U2AF1L4: variants seen among roughly 807,000 people sequenced by gnomAD.
U2AF1L4 encodes the protein splicing factor U2AF 26 kDa subunit.
A neutral mutation model predicts 21.7 loss-of-function variants in U2AF1L4; 21 were observed. The observed-to-expected ratio is 0.97, with a 90% confidence interval of 0.69 to 1.39. The LOEUF (loss-of-function observed/expected upper bound fraction) is 1.39. Ranked by LOEUF, U2AF1L4 falls within the 40% of genes most tolerant of loss-of-function variation. The probability of loss-of-function intolerance (pLI) is 0.00; values close to 1 mark genes in which losing one functional copy is unlikely to be tolerated. For missense variants in U2AF1L4, 259 were observed against 245.7 expected, an observed-to-expected ratio of 1.05 and a Z score of -0.36; for synonymous variants, 92 against 89.7, an observed-to-expected ratio of 1.03 and a Z score of -0.15.
Position 35,743,761 on chromosome 19 carries a change from T to G in U2AF1L4, c.461+48A>C, listed in dbSNP as rs367972641. ...TTAGGGTTAGGCTCATCTGAGGATA[T>G]AGGGGCCTTAGGACATGAGGAGACA... On this transcript the variant is annotated intron_variant, in intron 5 of 5. Transcript: ENST00000378975. The G allele has an allele frequency of 1.3e-5, 20 of 1,493,080 alleles. 1 individual carries two copies. Among genetic ancestry groups the G allele is most frequent in the Admixed American group, 1.3e-4 (7 of 54,428 alleles). 92.5% of individuals were successfully genotyped at this position (1,493,080 alleles called of 1,614,324 possible). A position where few individuals can be genotyped will look rare whatever the true frequency, so the allele number is the denominator to read the frequency against.
chr19:35,744,652 GT>G, intron 2 of U2AF1L4: 4 of 1,536,330 alleles, frequency 2.6e-6, no homozygotes, highest in Non-Finnish European at 3.5e-6. Flanking sequence ...AGTTTGGGCT[GT>G]GTTCTGTGGA....
intron 2 of U2AF1L4, 68 bp downstream of exon 2, chr19:35,745,057 T>C: frequency 1.3e-6 from 2 of 1,492,836 alleles, no homozygotes; most frequent in South Asian, 1.1e-5. Flanking sequence ...CGGGACATGG[T>C]GACGACGGCC....
At chr19:35,744,878 G>T in intron 2 of U2AF1L4, 1 of 772,684 alleles carries the variant, frequency 1.3e-6, no homozygotes, top group Non-Finnish European at 2.1e-6. Context: ...TGAACAGCGG[G>T]ATGGAAGGGA....
rs774313160 is a variant in U2AF1L4 at position 35,744,307 on chromosome 19, G to T, written c.231+16C>A. On this transcript the variant is annotated intron_variant, in intron 3 of 5. Coordinates refer to ENST00000378975, the MANE Select transcript of U2AF1L4 (RefSeq NM_001040425.3). ...ACGCCTCCACTTCTGGGCCCTAAGT[G>T]GGGGGCAGCAAGCACCTTGACATAG... 1.3e-5 allele frequency: 21 copies of T among 1,613,490 alleles called. No homozygotes were observed. Among genetic ancestry groups the T allele is most frequent in the East Asian group, 8.9e-5 (4 of 44,892 alleles).
At position 35,744,139 on chromosome 19, in the gene U2AF1L4, T is replaced by C; in HGVS notation, c.238A>G (p.Arg80Gly). The change falls in exon 4 of 6, where the codon AGG (arginine) becomes GGG (glycine). Residue 80 changes from arginine to glycine, a missense_variant. Arg to Gly is a moderately radical substitution (Grantham distance 125). Transcript: ENST00000378975. ...LVGNVYVKFR[R>G]EEDGERAVAE... ...ACGGCCCGCTCTCCATCCTCCTCCCTCCGGAACTGCAGGAAATGTCAGTCA... is the reference window on the plus strand; with the variant it reads ...ACGGCCCGCTCTCCATCCTCCTCCCCCCGGAACTGCAGGAAATGTCAGTCA... The C allele has an allele frequency of 6.2e-7, 1 of 1,613,576 alleles. No homozygotes were observed. The highest frequency in any genetic ancestry group is 8.5e-7 in the Non-Finnish European group (1 of 1,179,832).
chr19:35,744,529 C>T, intron 2 of U2AF1L4, 108 bp from the exon 3 acceptor site: 1 of 1,598,646 alleles, frequency 6.3e-7, no homozygotes, highest in Non-Finnish European at 8.5e-7. Flanking sequence ...ACCTCCACGT[C>T]ACTCACATGA....
chr19:35,745,011 C>T, intron 2 of U2AF1L4, 114 bp downstream of exon 2: 3 of 1,054,964 alleles, frequency 2.8e-6, no homozygotes, highest in Non-Finnish European at 4.1e-6. Flanking sequence ...GAAAAAAAGC[C>T]GGGCGGTGGG....
At chr19:35,744,739 C>G in intron 2 of U2AF1L4, 1 of 1,535,186 alleles carries the variant, frequency 6.5e-7, no homozygotes, top group East Asian at 2.4e-5. Context: ...GAGGGCAGGG[C>G]TGCATGAACA....
Position 35,745,165 on chromosome 19 carries a change from TCCCCGTGCCGGCAGA to T in U2AF1L4, c.77_91del (p.Val26_Gly30del), listed in dbSNP as rs1970514423. ...CTTGTTGTGAAGCCGGGAGCACCGG[TCCCCGTGCCGGCAGA>T]CCCCGATCTTAAAGTAAAAAGAGCA... is the stretch of plus-strand genomic sequence containing the variant. On this transcript the variant is annotated inframe_deletion, in exon 2 of 6. Transcript: ENST00000378975. 5.6e-6 allele frequency: 9 copies of T among 1,613,334 alleles called. No homozygotes were observed. Among genetic ancestry groups the T allele is most frequent in the Non-Finnish European group, 7.6e-6 (9 of 1,179,964 alleles).
Position 35,742,563 on chromosome 19 carries a change from A to G in U2AF1L4, c.*156T>C. The G allele has an allele frequency of 6.2e-7, 1 of 1,613,314 alleles. No homozygotes were observed. On this transcript the variant is annotated 3_prime_UTR_variant, in exon 6 of 6. Transcript: ENST00000378975. Reference sequence around the variant, plus strand: ...GTGAAACACGCAGCTTTATTAAGACAGGGGCGGTAGAAGAAGGTCTCCATG... The same window carrying G: ...GTGAAACACGCAGCTTTATTAAGACGGGGGCGGTAGAAGAAGGTCTCCATG...
In U2AF1L4 at chr19:35,744,346, G is replaced by A. The variant is rs17851875; in HGVS notation, c.208C>T (p.Leu70Phe). The part of the protein sequence containing the change: ...MNVCDNLGDH[L>F]VGNVYVKFRR... ...ACCTTGACATAGACGTTGCCCACGAGGTGGTCCCCAAGGTTGTCGCACACA... is the reference window on the plus strand; with the variant it reads ...ACCTTGACATAGACGTTGCCCACGAAGTGGTCCCCAAGGTTGTCGCACACA... The change falls in exon 3 of 6, where the codon CTC (leucine) becomes TTC (phenylalanine). Residue 70 changes from leucine to phenylalanine, a missense_variant. Coordinates refer to ENST00000378975, the MANE Select transcript of U2AF1L4 (RefSeq NM_001040425.3). The A allele has an allele frequency of 3.7e-6, 6 of 1,614,122 alleles. No homozygotes were observed. In the South Asian group the frequency reaches 6.6e-5, roughly 18 times the overall value.
intron 5 of U2AF1L4, chr19:35,743,399 A>AAAAC (rs1970371107): frequency 4.6e-6 from 1 of 217,112 alleles, no homozygotes; most frequent in Admixed American, 5.8e-5. Context: ...AAAAAAAAAA[A>AAAAC]AAAACAGTCA....
intron 4 of U2AF1L4, 29 bp from the exon 5 acceptor site, chr19:35,743,933 G>A (rs1451394727): frequency 1.2e-6 from 2 of 1,609,804 alleles, no homozygotes; most frequent in Admixed American, 1.7e-5. Context: ...GATGGAGGAA[G>A]CCATTGTCAC....
At position 35,745,117 on chromosome 19, in the gene U2AF1L4, G is replaced by A; in HGVS notation, c.132+8C>T. Reference sequence around the variant, plus strand: ...CGTTAACCCCCGAGGCTCCGTGCCGGGTCTCACCTGGCTGAATGTCGGCTT... The same window carrying A: ...CGTTAACCCCCGAGGCTCCGTGCCGAGTCTCACCTGGCTGAATGTCGGCTT... On this transcript the variant is annotated splice_region_variant and intron_variant, in intron 2 of 5. Coordinates refer to ENST00000378975, the MANE Select transcript of U2AF1L4 (RefSeq NM_001040425.3). 8 of 1,612,498 alleles carry A rather than the reference G, an allele frequency of 5.0e-6. No individual in the cohort carries two copies. The highest frequency in any genetic ancestry group is 1.7e-4 in the Middle Eastern group (1 of 5,968).
chr19:35,745,162 C>G lies in U2AF1L4; in HGVS notation c.95G>C (p.Arg32Pro). The G allele has an allele frequency of 1.2e-6, 2 of 1,613,670 alleles. No individual in the cohort carries two copies. Among genetic ancestry groups the G allele is most frequent in the Non-Finnish European group, 8.5e-7 (1 of 1,180,012 alleles). Residue 32 changes from arginine to proline, a missense_variant, in exon 2 of 6, where the codon CGG (arginine) becomes CCG (proline). Arg to Pro is a moderately radical substitution (Grantham distance 103). Coordinates refer to ENST00000378975, the MANE Select transcript of U2AF1L4 (RefSeq NM_001040425.3). ...FKIGVCRHGD[R>P]CSRLHNKPTF... The stretch of plus-strand genomic sequence containing the variant: ...CGGCTTGTTGTGAAGCCGGGAGCAC[C>G]GGTCCCCGTGCCGGCAGACCCCGAT...
Position 35,744,104 on chromosome 19 carries a change from G to A in U2AF1L4, c.273C>T (p.Leu91=). Residue 91 remains leucine, a synonymous_variant, in exon 4 of 6, where the codon CTC becomes CTT. Coordinates refer to ENST00000378975, the MANE Select transcript of U2AF1L4 (RefSeq NM_001040425.3). ...EEDGERAVAE[L]SNRWFNGQAV... is the part of the protein sequence containing the mutation. ...CCTGCCCGTTGAACCAGCGGTTACT[G>A]AGTTCAGCCACGGCCCGCTCTCCAT... is the stretch of plus-strand genomic sequence containing the variant. The A allele has an allele frequency of 6.2e-7, 1 of 1,614,002 alleles. No individual in the cohort carries two copies. Among genetic ancestry groups the A allele is most frequent in the Non-Finnish European group, 8.5e-7 (1 of 1,180,022 alleles).
Position 35,744,384 on chromosome 19 carries a change from A to G in U2AF1L4, c.170T>C (p.Ile57Thr), listed in dbSNP as rs1213942323. ...FTELQEKYGE[I>T]EEMNVCDNLG... ...GTTGTCGCACACATTCATCTCTTCAATCTCCCCATACTTCTCCTGCAGTTC... is the reference window on the plus strand; with the variant it reads ...GTTGTCGCACACATTCATCTCTTCAGTCTCCCCATACTTCTCCTGCAGTTC... The change falls in exon 3 of 6, where the codon ATT becomes ACT. Residue 57 changes from isoleucine (I) to threonine (T), a missense_variant. Transcript: ENST00000378975. 6 of 1,613,900 alleles carry G rather than the reference A, an allele frequency of 3.7e-6. No homozygotes were observed. The highest frequency in any genetic ancestry group is 1.6e-4 in the Middle Eastern group (1 of 6,084).
At chr19:35,744,457 A>G (rs1970466143) in intron 2 of U2AF1L4, 36 bp from the exon 3 acceptor site, 1 of 1,613,920 alleles carries the variant, frequency 6.2e-7, no homozygotes, top group Non-Finnish European at 8.5e-7. Context: ...CTGAGCTCCC[A>G]CAAGAAACCC....
In U2AF1L4 at chr19:35,745,409, A is replaced by T. The variant is rs376506863; in HGVS notation, c.-18T>A. ...TCAGCCATTTTTACCCAAGCCCTCCAGGTCTGGCTGCTCTTACGTCACTTC... is the reference window on the plus strand; with the variant it reads ...TCAGCCATTTTTACCCAAGCCCTCCTGGTCTGGCTGCTCTTACGTCACTTC... On this transcript the variant is annotated 5_prime_UTR_variant, in exon 1 of 6. Coordinates refer to ENST00000378975, the MANE Select transcript of U2AF1L4 (RefSeq NM_001040425.3). 8 of 1,613,908 alleles carry T rather than the reference A, an allele frequency of 5.0e-6. No individual in the cohort carries two copies. The African/African-American group carries it at 9.3e-5, about 19-fold the overall frequency.
Sources: gnomAD v4.1 joint callset for allele counts on GRCh38, gnomAD v4.1.1 for gene constraint, MANE v1.5 for transcripts, NCBI Gene and HGNC (gene_info 2026-07-23, HGNC 2026-07-21) for gene names.